Variants in TGFA observed in about 807,000 individuals in gnomAD.
The protein encoded by TGFA is transforming growth factor alpha, also known as protransforming growth factor alpha.
In TGFA, 12 loss-of-function variants were observed where a neutral mutation model predicts 21.7. The observed-to-expected ratio is 0.55, with a 90% confidence interval of 0.35 to 0.90. TGFA has a LOEUF of 0.90. Among genes scored for constraint, TGFA ranks in the 40% least tolerant of loss-of-function variants. The pLI is 0.01. For missense variants in TGFA, 178 were observed against 210.8 expected, an observed-to-expected ratio of 0.84 and a Z score of 0.96; for synonymous variants, 79 against 88.1, an observed-to-expected ratio of 0.90 and a Z score of 0.58.
At chr2:70,465,805 C>G in intron 2 of TGFA, 69 bp from the exon 3 acceptor site, 1 of 1,591,050 alleles carries the variant, frequency 6.3e-7, no homozygotes, top group Non-Finnish European at 8.6e-7. Flanking sequence ...ACCTCCCACC[C>G]TACCAGTCAA....
At chr2:70,472,496 G>A (rs1044815935) in intron 2 of TGFA, among the ~76,000 whole-genome samples, 1 of 152,126 alleles carries the variant, frequency 6.6e-6, no homozygotes, top group Non-Finnish European at 1.5e-5. Flanking sequence ...CCACTAACAG[G>A]GCCTGGAGCC....
chr2:70,474,267 T>C (rs559950246), intron 2 of TGFA, among the ~76,000 whole-genome samples: 1 of 152,352 alleles, frequency 6.6e-6, no homozygotes, highest in Admixed American at 6.5e-5. Context: ...ACCTTGTCAA[T>C]GGACATATAG....
chr2:70,517,852 T>C (rs570788684), intron 1 of TGFA, among the ~76,000 whole-genome samples: 35 of 152,364 alleles, frequency 2.3e-4, no homozygotes, highest in Middle Eastern at 6.8e-3. Flanking sequence ...CATTGCCTCT[T>C]GGGGATTCTC....
intron 1 of TGFA, among the ~76,000 whole-genome samples, chr2:70,543,197 G>T (rs1239494648): frequency 1.3e-5 from 2 of 151,908 alleles, no homozygotes; most frequent in African/African-American, 4.8e-5. Flanking sequence ...TCTTATCTTG[G>T]GGGCCTTGAT....
chr2:70,507,845 A>C (rs981487617), intron 2 of TGFA, among the ~76,000 whole-genome samples: 6 of 152,166 alleles, frequency 3.9e-5, no homozygotes, highest in Non-Finnish European at 5.9e-5. Context: ...CATACTCTCC[A>C]TTTCTTTGCT....
intron 1 of TGFA, among the ~76,000 whole-genome samples, chr2:70,521,984 A>G (rs1309301562): frequency 6.6e-6 from 1 of 152,202 alleles, no homozygotes; most frequent in East Asian, 1.9e-4. Flanking sequence ...CATGGGAATC[A>G]AATTGGCCTC....
intron 2 of TGFA, among the ~76,000 whole-genome samples, chr2:70,509,290 A>T (rs1672022088): frequency 6.6e-6 from 1 of 152,202 alleles, no homozygotes; most frequent in African/African-American, 2.4e-5. Flanking sequence ...GTTAGGCGAG[A>T]TGAGCAATAA....
At chr2:70,474,038 C>T (rs1553493758) in intron 2 of TGFA, among the ~76,000 whole-genome samples, 1 of 152,140 alleles carries the variant, frequency 6.6e-6, no homozygotes, top group African/African-American at 2.4e-5. Flanking sequence ...GAAAAATCTC[C>T]TAATTCTTCA....
chr2:70,552,424 T>C (rs140986599), intron 1 of TGFA, among the ~76,000 whole-genome samples: 9 of 152,378 alleles, frequency 5.9e-5, no homozygotes, highest in African/African-American at 1.9e-4. Context: ...TAATGTTTTA[T>C]TGCTTTTTCT....
At chr2:70,545,213 G>C (rs60286811) in intron 1 of TGFA, among the ~76,000 whole-genome samples, 1 of 151,916 alleles carries the variant, frequency 6.6e-6, no homozygotes, top group Non-Finnish European at 1.5e-5. Flanking sequence ...TGAAGGACAC[G>C]AAGGAGACGA....
intron 2 of TGFA, among the ~76,000 whole-genome samples, chr2:70,486,317 G>A (rs1559114399): frequency 2.0e-5 from 3 of 152,182 alleles, no homozygotes; most frequent in African/African-American, 4.8e-5. Flanking sequence ...TTCCATCCGT[G>A]TCTGAGTACC....
At chr2:70,540,546 A>G (rs1673104795) in intron 1 of TGFA, among the ~76,000 whole-genome samples, 1 of 152,218 alleles carries the variant, frequency 6.6e-6, no homozygotes, top group Admixed American at 6.5e-5. Context: ...CAAAGAATTA[A>G]AATTTAGATT....
intron 2 of TGFA, among the ~76,000 whole-genome samples, chr2:70,488,066 T>A (rs1340494628): frequency 1.3e-5 from 2 of 152,228 alleles, no homozygotes; most frequent in African/African-American, 2.4e-5. Flanking sequence ...TGATGTAGAT[T>A]TTTTTCATAT....
intron 2 of TGFA, among the ~76,000 whole-genome samples, chr2:70,478,270 C>T (rs17005666): frequency 0.062 from 9,380 of 152,150 alleles, 362 homozygotes; most frequent in Middle Eastern, 0.12. Flanking sequence ...AAAATGGTGC[C>T]GCCACAATTG....
intron 2 of TGFA, among the ~76,000 whole-genome samples, chr2:70,510,064 C>G (rs1559126951): frequency 1.3e-5 from 2 of 152,172 alleles, no homozygotes; most frequent in African/African-American, 2.4e-5. Flanking sequence ...CCCAACCATG[C>G]TATTGATTTC....
chr2:70,502,336 G>GTTTGTT (rs372629026), intron 2 of TGFA, among the ~76,000 whole-genome samples: 3 of 152,108 alleles, frequency 2.0e-5, no homozygotes, highest in African/African-American at 7.2e-5. Context: ...GTTTTTGTTT[G>GTTTGTT]TTTGTTTTTG....
At chr2:70,552,584 G>T (rs888663803) in intron 1 of TGFA, among the ~76,000 whole-genome samples, 1 of 152,212 alleles carries the variant, frequency 6.6e-6, no homozygotes, top group Middle Eastern at 3.2e-3. Flanking sequence ...AGACTGCCTT[G>T]TATTTCTCTT....
At chr2:70,514,508 G>A (rs1672206845) in intron 2 of TGFA, among the ~76,000 whole-genome samples, 1 of 150,904 alleles carries the variant, frequency 6.6e-6, no homozygotes, top group African/African-American at 2.5e-5. Flanking sequence ...TCAGAAATCT[G>A]GGTTCTACTT....
chr2:70,466,733 G>A (rs184516305), intron 2 of TGFA, among the ~76,000 whole-genome samples: 14 of 152,206 alleles, frequency 9.2e-5, no homozygotes, highest in African/African-American at 3.4e-4. Flanking sequence ...ACACACATGC[G>A]TCTGTTCGTG....
Sources: gnomAD v4.1 joint callset for allele counts (sites outside exome capture counted in the v4.1 genomes callset) on GRCh38, gnomAD v4.1.1 for gene constraint, MANE v1.5 for transcripts, NCBI Gene and HGNC (gene_info 2026-07-23, HGNC 2026-07-21) for gene names.